The following MYT1L variants were observed in gnomAD, a reference collection of about 807,000 sequenced individuals.
MYT1L encodes myelin transcription factor 1-like protein.
Under a neutral mutation model 126.7 loss-of-function variants are expected in MYT1L, and 12 were observed. That is an observed-to-expected ratio of 0.09 (90% CI 0.06 to 0.15). The LOEUF (loss-of-function observed/expected upper bound fraction) is 0.15. Among genes scored for constraint, MYT1L ranks in the 10% least tolerant of loss-of-function variants. The pLI, the probability that MYT1L is intolerant of heterozygous loss-of-function variation, is 1.00. For synonymous variants in MYT1L, 541 were observed against 604.2 expected, an observed-to-expected ratio of 0.90 and a Z score of 1.53; for missense variants, 979 against 1,585.2, an observed-to-expected ratio of 0.62 and a Z score of 6.49.
chr2:2,328,697 A>T (rs1256081374), intron 1 of MYT1L, among the ~76,000 whole-genome samples: 1 of 152,218 alleles, frequency 6.6e-6, no homozygotes, highest in Non-Finnish European at 1.5e-5. Context: ...ATTAATAATT[A>T]CATGTATTTG....
intron 1 of MYT1L, among the ~76,000 whole-genome samples, chr2:2,317,046 T>A (rs1285966190): frequency 6.6e-6 from 1 of 152,026 alleles, no homozygotes; most frequent in African/African-American, 2.4e-5. Flanking sequence ...CTCCATCTCC[T>A]GACCTCGTGA....
At position 1,866,157 on chromosome 2, in the gene MYT1L, G is replaced by T. The variant is rs143853319; in HGVS notation, c.2712-14454C>A. 6.4e-3 allele frequency among the ~76,000 whole-genome samples: 978 copies of T among 152,320 alleles called. 6 individuals carry two copies. Among genetic ancestry groups the T allele is most frequent in the Middle Eastern group, 0.024 (7 of 294 alleles). ...GCCTTGTGGGAAGAAGTACAGGCCAGATGGAAGCAGGTAGGTCAAGCCGAG... is the reference window on the plus strand; with the variant it reads ...GCCTTGTGGGAAGAAGTACAGGCCATATGGAAGCAGGTAGGTCAAGCCGAG... On this transcript the variant is annotated intron_variant, in intron 18 of 24. Transcript: ENST00000647738.
At chr2:2,071,181 G>C (rs890998162) in intron 3 of MYT1L, among the ~76,000 whole-genome samples, 2 of 152,140 alleles carry the variant, frequency 1.3e-5, no homozygotes, top group African/African-American at 4.8e-5. Flanking sequence ...ACTAACTGGG[G>C]AAAAGCCAAT....
chr2:1,969,890 G>T (rs927828938), intron 8 of MYT1L, among the ~76,000 whole-genome samples: 1 of 152,186 alleles, frequency 6.6e-6, no homozygotes, highest in Non-Finnish European at 1.5e-5. Flanking sequence ...TGCAGTTCAG[G>T]AAAGACAGTG....
At position 2,147,809 on chromosome 2, in the gene MYT1L, A is replaced by G. The variant is rs540003968; in HGVS notation, c.-304+25063T>C. 3.3e-5 allele frequency among the ~76,000 whole-genome samples: 5 copies of G among 152,312 alleles called. No individual in the cohort carries two copies. The South Asian group carries it at 1.0e-3, about 32-fold the overall frequency. Reference sequence around the variant, plus strand: ...ATAGCAAGCAGCCCGTCCACCTGGGAGCCCCGCAGCAGACGGCAGATCACT... The same window carrying G: ...ATAGCAAGCAGCCCGTCCACCTGGGGGCCCCGCAGCAGACGGCAGATCACT... On this transcript the variant is annotated intron_variant, in intron 3 of 24. Coordinates refer to ENST00000647738, the MANE Select transcript of MYT1L (RefSeq NM_001303052.2).
chr2:2,292,398 C>T (rs894767277), intron 1 of MYT1L, among the ~76,000 whole-genome samples: 19 of 152,182 alleles, frequency 1.2e-4, no homozygotes, highest in African/African-American at 4.3e-4. Flanking sequence ...AAAAGACTTA[C>T]GGTTGGCTAT....
chr2:1,844,863 G>A (rs148143619), intron 19 of MYT1L, among the ~76,000 whole-genome samples: 30 of 152,156 alleles, frequency 2.0e-4, no homozygotes, highest in African/African-American at 6.7e-4. Flanking sequence ...GGCCCTTCCC[G>A]AGCCCTGGAG....
chr2:1,839,459 G>A, intron 20 of MYT1L, 89 bp from the exon 21 acceptor site: 3 of 1,231,382 alleles, frequency 2.4e-6, no homozygotes, highest in Admixed American at 2.3e-5. Context: ...CCGGCATGAA[G>A]AAGAAAAAAA....
At chr2:1,809,034 C>A (rs199540425) in intron 22 of MYT1L, 42 bp downstream of exon 22, 3 of 1,591,952 alleles carry the variant, frequency 1.9e-6, no homozygotes, top group Admixed American at 1.7e-5. Context: ...CCCGCTGGGC[C>A]TTCCTGACCA....
intron 1 of MYT1L, among the ~76,000 whole-genome samples, chr2:2,317,424 C>G (rs867464242): frequency 6.6e-6 from 1 of 152,112 alleles, no homozygotes; most frequent in Middle Eastern, 3.4e-3. Flanking sequence ...GACTCCCTCA[C>G]TTTAAACAAG....
At chr2:2,309,297 C>A (rs1189360105) in intron 1 of MYT1L, among the ~76,000 whole-genome samples, 1 of 151,766 alleles carries the variant, frequency 6.6e-6, no homozygotes, top group African/African-American at 2.4e-5. Flanking sequence ...TTTACCTATA[C>A]TCCACCTACA....
At chr2:2,038,268 T>C (rs531330227) in intron 4 of MYT1L, among the ~76,000 whole-genome samples, 16 of 152,328 alleles carry the variant, frequency 1.1e-4, no homozygotes, top group Admixed American at 2.6e-4. Context: ...ATAGCTAGAG[T>C]TTGGGGTTGT....
At chr2:1,863,644 C>T (rs2045030420) in intron 18 of MYT1L, among the ~76,000 whole-genome samples, 1 of 151,950 alleles carries the variant, frequency 6.6e-6, no homozygotes, top group African/African-American at 2.4e-5. Flanking sequence ...CGCTCCAGCC[C>T]GACCCCAGGA....
At chr2:2,033,933 AGGGGTGCATTACAGAGAG>A (rs2066707665) in intron 4 of MYT1L, among the ~76,000 whole-genome samples, 1 of 152,190 alleles carries the variant, frequency 6.6e-6, no homozygotes, top group Non-Finnish European at 1.5e-5. Context: ...GGTAATGAGA[AGGGGTGCATTACAGAGAG>A]GGTCAGCTCA....
At chr2:2,196,513 CAA>C (rs2092804636) in intron 2 of MYT1L, among the ~76,000 whole-genome samples, 1 of 151,012 alleles carries the variant, frequency 6.6e-6, no homozygotes, top group Non-Finnish European at 1.5e-5. Flanking sequence ...AAATTACATT[CAA>C]TATATATATC....
intron 4 of MYT1L, among the ~76,000 whole-genome samples, chr2:2,033,630 G>T (rs1450398146): frequency 2.0e-5 from 3 of 152,156 alleles, no homozygotes; most frequent in African/African-American, 7.2e-5. Flanking sequence ...AAAAATCTGG[G>T]TTTCACCTTG....
At chr2:2,120,316 G>A (rs931033400) in intron 3 of MYT1L, among the ~76,000 whole-genome samples, 1 of 152,118 alleles carries the variant, frequency 6.6e-6, no homozygotes, top group Admixed American at 6.5e-5. Flanking sequence ...AGCTGGGGAT[G>A]AACGTCATCT....
At position 2,318,262 on chromosome 2, in the gene MYT1L, T is replaced by C. The variant is rs573885271; in HGVS notation, c.-521+12705A>G. Among the ~76,000 whole-genome samples, 49 of 152,346 alleles carry C rather than the reference T, an allele frequency of 3.2e-4. No homozygotes were observed. The East Asian group carries it at 8.9e-3, about 28-fold the overall frequency. On this transcript the variant is annotated intron_variant, in intron 1 of 24. Transcript: ENST00000647738. ...GAATATGTATCTTAGGCTTAGTGTA[T>C]TTTCTAACTAATTCCACATTTAATA... is the stretch of plus-strand genomic sequence containing the variant.
intron 2 of MYT1L, among the ~76,000 whole-genome samples, chr2:2,184,892 C>CTT (rs1003196374): frequency 1.3e-5 from 2 of 152,238 alleles, no homozygotes; most frequent in Non-Finnish European, 2.9e-5. Flanking sequence ...CAGCTCGGCA[C>CTT]TTTAGCTGGC....
Sources: allele counts gnomAD v4.1 joint callset (sites outside exome capture counted in the v4.1 genomes callset), GRCh38; gene constraint gnomAD v4.1.1; transcripts MANE v1.5; gene names NCBI Gene and HGNC (gene_info 2026-07-23, HGNC 2026-07-21).